TSC22D2: variants seen among roughly 807,000 people sequenced by gnomAD.
TSC22D2 encodes the protein TSC22 domain family member 2, also known as TSC22 domain family protein 2.
In TSC22D2, 5 loss-of-function variants were observed where a neutral mutation model predicts 50.1. That is an observed-to-expected ratio of 0.10 (90% CI 0.05 to 0.21). The LOEUF is 0.21. Among genes scored for constraint, TSC22D2 ranks in the 10% least tolerant of loss-of-function variants. The pLI, the probability that TSC22D2 is intolerant of heterozygous loss-of-function variation, is 1.00. For synonymous variants in TSC22D2, 501 were observed against 450.1 expected (o/e 1.11, Z -1.43); for missense variants, 1,003 against 1,015.5 (o/e 0.99, Z 0.17).
rs1467010671 is a variant in TSC22D2 at position 150,411,162 on chromosome 3, A to G, written c.1812A>G (p.Pro604=). The change falls in exon 1 of 3, where the codon CCA becomes CCG. Residue 604 remains proline (P), a synonymous_variant. Transcript: ENST00000688009. ...TRRKSEPLPQ[P]PLSLIAENKP... ...GAAAATCAGAACCCCTACCTCAACC[A>G]CCACTTTCTCTCATTGCTGAAAATA... The G allele has an allele frequency of 1.9e-6, 3 of 1,613,788 alleles. No individual in the cohort carries two copies. The highest frequency in any genetic ancestry group is 2.5e-6 in the Non-Finnish European group (3 of 1,179,966).
At chr3:150,445,399 T>G (rs1440758555) in intron 1 of TSC22D2, among the ~76,000 whole-genome samples, 1 of 151,186 alleles carries the variant, frequency 6.6e-6, no homozygotes, top group African/African-American at 2.4e-5. Flanking sequence ...CAATTTTTAT[T>G]AACATATACT....
intron 1 of TSC22D2, among the ~76,000 whole-genome samples, chr3:150,418,287 A>G (rs377592549): frequency 1.3e-5 from 2 of 151,850 alleles, no homozygotes; most frequent in Admixed American, 1.3e-4. Flanking sequence ...TGATGATCAG[A>G]TGTATACTTT....
At chr3:150,445,095 A>AT (rs1239927157) in intron 1 of TSC22D2, among the ~76,000 whole-genome samples, 1 of 151,890 alleles carries the variant, frequency 6.6e-6, no homozygotes, top group African/African-American at 2.4e-5. Flanking sequence ...CTTTGGAAAA[A>AT]TTTCCCACAG....
intron 1 of TSC22D2, among the ~76,000 whole-genome samples, chr3:150,452,636 T>G (rs1721078925): frequency 6.6e-6 from 1 of 152,186 alleles, no homozygotes; most frequent in Admixed American, 6.5e-5. Flanking sequence ...AATTAAAAGA[T>G]GAACAGCATG....
intron 1 of TSC22D2, among the ~76,000 whole-genome samples, 184 bp downstream of exon 1, chr3:150,411,492 T>C (rs1399656660): frequency 6.6e-6 from 1 of 152,192 alleles, no homozygotes; most frequent in Non-Finnish European, 1.5e-5. Flanking sequence ...AGCGAATTGG[T>C]CTTGTCACCG....
At position 150,458,622 on chromosome 3, in the gene TSC22D2, G is replaced by A; in HGVS notation, c.2257G>A (p.Val753Ile). Residue 753 changes from valine (V) to isoleucine (I), a missense_variant, in exon 3 of 3, where the codon GTC (valine) becomes ATC (isoleucine). By Grantham distance (29) the Val-to-Ile change is conservative. Transcript: ENST00000688009. ...QPTQPPQQPNVSSA is the reference protein window; with the variant it reads ...QPTQPPQQPNISSA ...AACGCAACCTCCACAGCAGCCGAAT[G>A]TCTCCTCAGCATAAAGCTTTCTTAA... The A allele has an allele frequency of 6.2e-7, 1 of 1,614,060 alleles. No individual in the cohort carries two copies. Among genetic ancestry groups the A allele is most frequent in the South Asian group, 1.1e-5 (1 of 91,070 alleles).
intron 1 of TSC22D2, among the ~76,000 whole-genome samples, chr3:150,435,514 T>C (rs1481742980): frequency 6.6e-6 from 1 of 152,218 alleles, no homozygotes; most frequent in Non-Finnish European, 1.5e-5. Flanking sequence ...CATTGGTTTA[T>C]CATGGCTAGG....
intron 1 of TSC22D2, among the ~76,000 whole-genome samples, chr3:150,451,587 T>A (rs1721043897): frequency 6.6e-6 from 1 of 152,224 alleles, no homozygotes; most frequent in African/African-American, 2.4e-5. Context: ...TTTTTCACAG[T>A]CTTAGTATTA....
chr3:150,441,561 A>G (rs1720718048), intron 1 of TSC22D2, among the ~76,000 whole-genome samples: 1 of 152,012 alleles, frequency 6.6e-6, no homozygotes, highest in Non-Finnish European at 1.5e-5. Flanking sequence ...GGAGTTCAAG[A>G]CCAGCCTGGA....
At chr3:150,436,781 A>G (rs1375511187) in intron 1 of TSC22D2, among the ~76,000 whole-genome samples, 2 of 152,194 alleles carry the variant, frequency 1.3e-5, no homozygotes, top group African/African-American at 2.4e-5. Flanking sequence ...GAAAGATTAT[A>G]TTGGAAAAAT....
intron 1 of TSC22D2, among the ~76,000 whole-genome samples, chr3:150,444,014 C>T (rs1720800542): frequency 1.3e-5 from 2 of 152,128 alleles, no homozygotes; most frequent in Admixed American, 1.3e-4. Context: ...TTCATAGAGC[C>T]TAGCCCTTTT....
chr3:150,435,040 C>A (rs549996598), intron 1 of TSC22D2, among the ~76,000 whole-genome samples: 1 of 152,122 alleles, frequency 6.6e-6, no homozygotes, highest in Non-Finnish European at 1.5e-5. Context: ...TGCAATAGCA[C>A]GATCTCGGCT....
chr3:150,410,225 T>A lies in TSC22D2; in HGVS notation c.875T>A (p.Leu292Gln). 1.3e-6 allele frequency: 2 copies of A among 1,573,542 alleles called. No homozygotes were observed. Among genetic ancestry groups the A allele is most frequent in the Non-Finnish European group, 1.7e-6 (2 of 1,160,060 alleles). Residue 292 changes from leucine (L) to glutamine (Q), a missense_variant, in exon 1 of 3, where the codon CTG becomes CAG. Leu to Gln is a moderately radical substitution (Grantham distance 113, BLOSUM62 -2). Coordinates refer to ENST00000688009, the MANE Select transcript of TSC22D2 (RefSeq NM_001303264.2). ...GGAVAQSSAP[L>Q]PPFPGAATGP... ...GCTGTGGCTCAAAGCTCGGCTCCGC[T>A]GCCGCCGTTCCCGGGAGCCGCGACC...
chr3:150,409,316 C>T lies in TSC22D2; in HGVS notation c.-35C>T. The T allele has an allele frequency of 1.3e-6, 2 of 1,552,548 alleles. No individual in the cohort carries two copies. Among genetic ancestry groups the T allele is most frequent in the Admixed American group, 1.9e-5 (1 of 53,260 alleles). On this transcript the variant is annotated 5_prime_UTR_variant, in exon 1 of 3. Coordinates refer to ENST00000688009, the MANE Select transcript of TSC22D2 (RefSeq NM_001303264.2). This position sits in a 1 kb window ranked among gnomAD's most constrained non-coding sequence, Gnocchi z 7.4. ...CGGTTTCCGACAGGACCCAGAGGAG[C>T]CGGCGTGCCTCTCTGCCCTCCAGCC...
rs1719523100 is a variant in TSC22D2, at chr3:150,410,819, G to T, written c.1469G>T (p.Gly490Val). 1 of 1,613,344 alleles carries T rather than the reference G, an allele frequency of 6.2e-7. No individual in the cohort carries two copies. Among genetic ancestry groups the T allele is most frequent in the Non-Finnish European group, 8.5e-7 (1 of 1,179,986 alleles). Residue 490 changes from glycine to valine, a missense_variant, in exon 1 of 3, where the codon GGT becomes GTT. By Grantham distance (109) the Gly-to-Val change is moderately radical. Transcript: ENST00000688009. ...SVPPPQMGGS[G>V]PLSAVPGGPH... ...CCTCCGCCGCAGATGGGTGGCAGTG[G>T]TCCGCTGTCAGCCGTACCTGGTGGC...
chr3:150,451,320 C>T (rs58143991), intron 1 of TSC22D2, among the ~76,000 whole-genome samples: 3,501 of 152,160 alleles, frequency 0.023, 147 homozygotes, highest in African/African-American at 0.079. Flanking sequence ...AGAACATTTT[C>T]GTTCTTAGCA....
At chr3:150,444,670 G>A (rs1720822112) in intron 1 of TSC22D2, among the ~76,000 whole-genome samples, 1 of 152,158 alleles carries the variant, frequency 6.6e-6, no homozygotes, top group African/African-American at 2.4e-5. Flanking sequence ...GTAAAATTCT[G>A]TCATTCACCA....
intron 1 of TSC22D2, chr3:150,456,857 A>G (rs1300096168): frequency 2.0e-6 from 1 of 508,988 alleles, no homozygotes; most frequent in Non-Finnish European, 3.5e-6. Context: ...CAAATTAGAA[A>G]TGTTGGCACT....
chr3:150,430,291 T>C (rs946397595), intron 1 of TSC22D2, among the ~76,000 whole-genome samples: 4 of 152,128 alleles, frequency 2.6e-5, no homozygotes, highest in African/African-American at 9.7e-5. Flanking sequence ...TGGCCTTATA[T>C]GATAAGGATA....
Sources: gnomAD v4.1 joint callset for allele counts (sites outside exome capture counted in the v4.1 genomes callset) on GRCh38, gnomAD v4.1.1 for gene constraint, Gnocchi (gnomAD v3.1) non-coding constraint, MANE v1.5 for transcripts, NCBI Gene and HGNC (gene_info 2026-07-23, HGNC 2026-07-21) for gene names.